GABRG3: variants seen among roughly 807,000 people sequenced by gnomAD.
GABRG3 encodes gamma-aminobutyric acid receptor subunit gamma-3.
GABRG3 carries 25 observed loss-of-function variants against 48.8 expected under a neutral mutation model. The ratio of observed to expected loss-of-function variants is 0.51; its 90% confidence interval spans 0.37 to 0.72. The LOEUF (loss-of-function observed/expected upper bound fraction) is 0.72, where lower values mean the gene tolerates loss of function less well. Ranked by LOEUF, GABRG3 falls within the 30% of genes least tolerant of loss-of-function variation. GABRG3 has a pLI of 0.00. For synonymous variants in GABRG3, 227 were observed against 217.6 expected (o/e 1.04, Z -0.38); for missense variants, 394 against 577.9 (o/e 0.68, Z 3.26).
rs1891569135 is a variant in GABRG3 at position 27,537,283 on chromosome 15, G to A, written c.*4402G>A. The stretch of plus-strand genomic sequence containing the variant: ...TTCAGAAAGGTTCCGGAAATACGGG[G>A]GAAAGAACCAGACTACGAATACATT... On this transcript the variant is annotated 3_prime_UTR_variant, in exon 10 of 10. Coordinates refer to ENST00000615808, the MANE Select transcript of GABRG3 (RefSeq NM_033223.5). 6.6e-6 allele frequency: 1 copy of A among 152,170 alleles called. No homozygotes were observed. The highest frequency in any genetic ancestry group is 2.1e-4 in the South Asian group (1 of 4,832). 9.4% of individuals were successfully genotyped at this position (152,170 alleles called of 1,614,324 possible).
intron 5 of GABRG3, among the ~76,000 whole-genome samples, chr15:27,331,533 A>G (rs190730442): frequency 5.4e-4 from 83 of 152,362 alleles, no homozygotes; most frequent in African/African-American, 1.9e-3. Flanking sequence ...GATATTCTGG[A>G]AAAGGCAAAA....
chr15:27,511,381 G>A (rs910709544), intron 6 of GABRG3, among the ~76,000 whole-genome samples: 2 of 152,200 alleles, frequency 1.3e-5, no homozygotes, highest in African/African-American at 4.8e-5. Flanking sequence ...AAAGGGAGGT[G>A]TTGGTGATGC....
intron 3 of GABRG3, among the ~76,000 whole-genome samples, chr15:27,066,200 GTACT>G (rs1896734961): frequency 1.3e-5 from 2 of 152,330 alleles, no homozygotes; most frequent in South Asian, 4.1e-4. Flanking sequence ...AGAGCTAATA[GTACT>G]TACTATGATA....
At chr15:27,282,309 T>G (rs554283111) in intron 3 of GABRG3, among the ~76,000 whole-genome samples, 91 of 152,222 alleles carry the variant, frequency 6.0e-4, no homozygotes, top group Admixed American at 2.7e-3. Flanking sequence ...TTTATTTTCT[T>G]TCTTCTCTCC....
At chr15:27,272,493 CCT>C (rs1891122854) in intron 3 of GABRG3, among the ~76,000 whole-genome samples, 1 of 152,182 alleles carries the variant, frequency 6.6e-6, no homozygotes, top group African/African-American at 2.4e-5. Context: ...TTTTCAAAGA[CCT>C]CTGCAAAGAG....
In GABRG3 at chr15:27,101,049, T is replaced by A. The variant is rs568601558; in HGVS notation, c.270+74228T>A. Among the ~76,000 whole-genome samples, 646 of 152,298 alleles carry A rather than the reference T, an allele frequency of 4.2e-3. 3 individuals are homozygous for A. The highest frequency in any genetic ancestry group is 7.1e-3 in the Non-Finnish European group (483 of 68,020). ...TGTCCTGATTTACAGATAAGCTGAT[T>A]GTCTACATGAAAGTCACAAGGAATC... On this transcript the variant is annotated intron_variant, in intron 3 of 9. Coordinates refer to ENST00000615808, the MANE Select transcript of GABRG3 (RefSeq NM_033223.5).
At chr15:27,219,920 C>A (rs1312538252) in intron 3 of GABRG3, among the ~76,000 whole-genome samples, 3 of 152,220 alleles carry the variant, frequency 2.0e-5, no homozygotes, top group Non-Finnish European at 2.9e-5. Context: ...TCTTCACCAG[C>A]AATAGAGGAG....
At chr15:27,388,088 A>G (rs1451229439) in intron 5 of GABRG3, among the ~76,000 whole-genome samples, 3 of 48,762 alleles carry the variant, frequency 6.2e-5, no homozygotes, top group Non-Finnish European at 1.1e-4. Context: ...GAAGGAAAGG[A>G]GGGAGGAAAG....
At chr15:27,385,474 C>T (rs1285570524) in intron 5 of GABRG3, among the ~76,000 whole-genome samples, 1 of 151,986 alleles carries the variant, frequency 6.6e-6, no homozygotes, top group Non-Finnish European at 1.5e-5. Flanking sequence ...CTTCGCGTCT[C>T]TCCTCTCGTT....
intron 3 of GABRG3, among the ~76,000 whole-genome samples, chr15:27,224,117 G>A (rs1220663459): frequency 6.6e-6 from 1 of 152,212 alleles, no homozygotes; most frequent in Admixed American, 6.5e-5. Flanking sequence ...AGCTCCCAGT[G>A]GCCTCCAACT....
intron 5 of GABRG3, among the ~76,000 whole-genome samples, chr15:27,357,620 T>G (rs1335598540): frequency 6.6e-6 from 1 of 152,224 alleles, no homozygotes; most frequent in Non-Finnish European, 1.5e-5. Flanking sequence ...GTGACATTGT[T>G]TTACATTTTT....
rs192420889 is a variant in GABRG3, at chr15:26,974,925, G to C, written c.54-2077G>C. On this transcript the variant is annotated intron_variant, in intron 1 of 9. Transcript: ENST00000615808. The surrounding 1 kb of genome is among the most constrained non-coding windows in gnomAD (Gnocchi z 4.3). ...GTCTCGCTCTGTTGCCCAGGCTGGAGTGCAGTGACACTATCTCGGCTCACT... is the reference window on the plus strand; with the variant it reads ...GTCTCGCTCTGTTGCCCAGGCTGGACTGCAGTGACACTATCTCGGCTCACT... 1.6e-4 allele frequency among the ~76,000 whole-genome samples: 24 copies of C among 150,516 alleles called. No individual in the cohort carries two copies. The East Asian group carries it at 3.5e-3, about 22-fold the overall frequency.
chr15:27,049,031 G>A (rs1039097500), intron 3 of GABRG3, among the ~76,000 whole-genome samples: 5 of 152,186 alleles, frequency 3.3e-5, no homozygotes, highest in Admixed American at 2.0e-4. Context: ...GTCAGTACTC[G>A]GACACTAGAG....
intron 5 of GABRG3, among the ~76,000 whole-genome samples, chr15:27,373,012 C>T (rs181683894): frequency 6.6e-6 from 1 of 152,288 alleles, no homozygotes; most frequent in East Asian, 1.9e-4. Context: ...ACAAAATGCT[C>T]ATGACTTCCC....
intron 2 of GABRG3, among the ~76,000 whole-genome samples, chr15:27,020,779 T>C (rs1045601053): frequency 6.6e-6 from 1 of 152,208 alleles, no homozygotes; most frequent in Non-Finnish European, 1.5e-5. Context: ...GCTCTCGCGA[T>C]GTCACTCTCT....
intron 5 of GABRG3, among the ~76,000 whole-genome samples, chr15:27,367,477 T>G (rs1895247792): frequency 1.3e-5 from 2 of 152,268 alleles, no homozygotes; most frequent in East Asian, 3.9e-4. Context: ...TACCACATTT[T>G]TTTTCCTAAA....
chr15:27,303,962 A>G (rs1422403020), intron 3 of GABRG3, among the ~76,000 whole-genome samples: 1 of 151,898 alleles, frequency 6.6e-6, no homozygotes, highest in African/African-American at 2.4e-5. Context: ...GTAATTGACC[A>G]TATTAATAAC....
intron 5 of GABRG3, among the ~76,000 whole-genome samples, chr15:27,375,179 A>T (rs532987863): frequency 6.6e-6 from 1 of 152,292 alleles, no homozygotes; most frequent in South Asian, 2.1e-4. Context: ...GACAGACTTC[A>T]GTCTCCCTTC....
chr15:27,032,037 G>A (rs1896096092), intron 3 of GABRG3, among the ~76,000 whole-genome samples: 1 of 152,188 alleles, frequency 6.6e-6, no homozygotes, highest in African/African-American at 2.4e-5. Context: ...CTCTGCTCAT[G>A]TGAAGGTTAC....
Sources: allele counts gnomAD v4.1 joint callset (sites outside exome capture counted in the v4.1 genomes callset), GRCh38; gene constraint gnomAD v4.1.1; non-coding constraint Gnocchi (gnomAD v3.1); transcripts MANE v1.5; gene names NCBI Gene and HGNC (gene_info 2026-07-23, HGNC 2026-07-21).